Variants in NTM observed in about 807,000 individuals in gnomAD.
NTM encodes neurotrimin.
A neutral mutation model predicts 42.1 loss-of-function variants in NTM; 13 were observed. That is an observed-to-expected ratio of 0.31 (90% CI 0.20 to 0.49). NTM has a LOEUF of 0.49. NTM is among the 20% of genes least tolerant of loss of function. The pLI is 0.99. For missense variants in NTM, 373 were observed against 452.8 expected, an observed-to-expected ratio of 0.82 and a Z score of 1.60; for synonymous variants, 187 against 179.2, an observed-to-expected ratio of 1.04 and a Z score of -0.35.
At chr11:132,175,235 G>T (rs539988790) in intron 3 of NTM, among the ~76,000 whole-genome samples, 1 of 152,086 alleles carries the variant, frequency 6.6e-6, no homozygotes, top group African/African-American at 2.4e-5. Context: ...CTCCACTTGA[G>T]CTATGATCTT....
chr11:131,964,354 C>T (rs374348501), intron 2 of NTM, among the ~76,000 whole-genome samples: 26 of 152,186 alleles, frequency 1.7e-4, no homozygotes, highest in East Asian at 1.5e-3. Context: ...CTTTGTTTTC[C>T]GTGTATTTTT....
intron 4 of NTM, among the ~76,000 whole-genome samples, chr11:132,274,813 A>G (rs1008521707): frequency 2.6e-5 from 4 of 152,112 alleles, no homozygotes; most frequent in African/African-American, 4.8e-5. Context: ...TAGCCAGTCC[A>G]GTGAGTGTTC....
intron 1 of NTM, among the ~76,000 whole-genome samples, chr11:131,727,013 T>C (rs2079053777): frequency 6.6e-6 from 1 of 151,322 alleles, no homozygotes; most frequent in Non-Finnish European, 1.5e-5. Context: ...TGAAGCTGAT[T>C]CCCCTGTCAA....
intron 1 of NTM, among the ~76,000 whole-genome samples, chr11:131,702,697 A>G (rs1354652798): frequency 1.3e-5 from 2 of 152,228 alleles, no homozygotes; most frequent in African/African-American, 4.8e-5. Context: ...GCAATTTTAA[A>G]CAAAATAGTG....
chr11:131,608,694 C>G (rs971149201), intron 1 of NTM, among the ~76,000 whole-genome samples: 11 of 152,144 alleles, frequency 7.2e-5, no homozygotes, highest in African/African-American at 2.7e-4. Context: ...TTGTCTTTCT[C>G]TCTCTCCCTT....
chr11:131,677,102 C>A (rs371073891), intron 1 of NTM, among the ~76,000 whole-genome samples: 1 of 152,180 alleles, frequency 6.6e-6, no homozygotes, highest in South Asian at 2.1e-4. Context: ...ATATGGAAAC[C>A]GCACGGTGGG....
chr11:131,950,239 T>G (rs1038983956), intron 2 of NTM, among the ~76,000 whole-genome samples: 1 of 152,144 alleles, frequency 6.6e-6, no homozygotes, highest in South Asian at 2.1e-4. Context: ...CCCAGAAGGG[T>G]CCCAGAAGGA....
chr11:131,580,074 T>G (rs2058269321), intron 1 of NTM, among the ~76,000 whole-genome samples: 1 of 152,040 alleles, frequency 6.6e-6, no homozygotes, highest in Non-Finnish European at 1.5e-5. Context: ...CGTGATGAGG[T>G]TGAGCAGTGG....
chr11:132,121,479 C>T (rs978263475), intron 2 of NTM, among the ~76,000 whole-genome samples: 3 of 151,890 alleles, frequency 2.0e-5, no homozygotes, highest in Admixed American at 6.6e-5. Context: ...TGCCCCAGCT[C>T]CATTTATTTA....
At chr11:131,687,423 C>G (rs2074029263) in intron 1 of NTM, among the ~76,000 whole-genome samples, 1 of 152,184 alleles carries the variant, frequency 6.6e-6, no homozygotes, top group Non-Finnish European at 1.5e-5. Context: ...GGTTTGCGAC[C>G]CGCTGTGGCC....
intron 2 of NTM, among the ~76,000 whole-genome samples, chr11:131,972,123 G>A (rs7119203): frequency 0.35 from 52,318 of 150,344 alleles, 9,711 homozygotes; most frequent in Admixed American, 0.47. Flanking sequence ...TGAGGCAAGA[G>A]GATCCCTTGA....
chr11:132,240,693 C>A (rs889384325), intron 4 of NTM, among the ~76,000 whole-genome samples: 53 of 152,188 alleles, frequency 3.5e-4, no homozygotes, highest in African/African-American at 1.3e-3. Context: ...TGGAAGACTG[C>A]ACTGAAGGAA....
intron 2 of NTM, among the ~76,000 whole-genome samples, chr11:132,142,178 C>T (rs553825318): frequency 5.3e-5 from 8 of 152,176 alleles, no homozygotes; most frequent in South Asian, 4.1e-4. Flanking sequence ...CCCTTTTGAT[C>T]GCCCATCTCC....
At chr11:132,282,797 T>A (rs1374428256) in intron 4 of NTM, among the ~76,000 whole-genome samples, 2 of 152,128 alleles carry the variant, frequency 1.3e-5, no homozygotes, top group African/African-American at 4.8e-5. Flanking sequence ...TCTTACAATC[T>A]ATGAATGCCT....
chr11:131,607,503 A>G (rs1039941165), intron 1 of NTM, among the ~76,000 whole-genome samples: 49 of 152,166 alleles, frequency 3.2e-4, no homozygotes, highest in African/African-American at 1.1e-3. Flanking sequence ...CATGACCCAT[A>G]ATTGCAACTT....
At chr11:131,778,346 C>A (rs1396202507) in intron 1 of NTM, among the ~76,000 whole-genome samples, 2 of 152,200 alleles carry the variant, frequency 1.3e-5, no homozygotes, top group Non-Finnish European at 2.9e-5. Context: ...CAACTACATT[C>A]TTTGAATGTT....
chr11:131,468,429 G>A (rs1952100588), intron 1 of NTM, among the ~76,000 whole-genome samples: 1 of 152,180 alleles, frequency 6.6e-6, no homozygotes, highest in Admixed American at 6.5e-5. Flanking sequence ...CCAGGAAGCA[G>A]CAACAATTTC....
intron 1 of NTM, among the ~76,000 whole-genome samples, chr11:131,733,093 A>G (rs775870188): frequency 3.3e-5 from 5 of 152,228 alleles, no homozygotes; most frequent in Non-Finnish European, 5.9e-5. Context: ...ATAATGTTGT[A>G]AATAGTAGTG....
intron 1 of NTM, among the ~76,000 whole-genome samples, chr11:131,690,645 G>A (rs1397799665): frequency 6.6e-6 from 1 of 152,254 alleles, no homozygotes; most frequent in African/African-American, 2.4e-5. Flanking sequence ...GTCAGAGCGC[G>A]GGGCGCGGGG....
Sources: allele counts gnomAD v4.1 joint callset (sites outside exome capture counted in the v4.1 genomes callset), GRCh38; gene constraint gnomAD v4.1.1; transcripts MANE v1.5; gene names NCBI Gene and HGNC (gene_info 2026-07-23, HGNC 2026-07-21).